Variants in SAFB2 observed in about 807,000 individuals in gnomAD.
SAFB2 encodes the protein scaffold attachment factor B2.
Under a neutral mutation model 100.6 loss-of-function variants are expected in SAFB2, and 32 were observed. The ratio of observed to expected loss-of-function variants is 0.32; its 90% CI spans 0.24 to 0.43. SAFB2 has a LOEUF of 0.43. Ranked by LOEUF, SAFB2 falls within the 20% of genes least tolerant of loss-of-function variation. SAFB2 has a pLI of 1.00. For missense variants in SAFB2, 1,185 were observed against 1,163.4 expected (o/e 1.02, Z -0.27); for synonymous variants, 500 against 439.4 (o/e 1.14, Z -1.72).
At chr19:5,602,655 C>T (rs2052687838) in intron 11 of SAFB2, among the ~76,000 whole-genome samples, 2 of 152,124 alleles carry the variant, frequency 1.3e-5, no homozygotes, top group South Asian at 4.1e-4. Flanking sequence ...AAGTGCCTCA[C>T]AGGGCTACTA....
At chr19:5,595,554 T>C in intron 13 of SAFB2, 57 bp from the exon 14 acceptor site, 3 of 1,594,648 alleles carry the variant, frequency 1.9e-6, no homozygotes, top group Non-Finnish European at 2.6e-6. Context: ...AAACAAACAA[T>C]GGAGATTATG....
At position 5,587,291 on chromosome 19, in the gene SAFB2, G is replaced by A. The variant is rs1044508520; in HGVS notation, c.2814C>T (p.His938=). 1 of 1,612,996 alleles carries A rather than the reference G, an allele frequency of 6.2e-7. No individual in the cohort carries two copies. ...GGTACGGGGGGGGATGAGGGTGTGGGTGAGGGACTCTGCTGCCCCGGTCCT... is the reference window on the plus strand; with the variant it reads ...GGTACGGGGGGGGATGAGGGTGTGGATGAGGGACTCTGCTGCCCCGGTCCT... The part of the protein sequence containing the change: ...ASQDRGSRVP[H]PHPHPPPYPH... The change falls in exon 21 of 21, where the codon CAC becomes CAT. Residue 938 remains histidine (H), a synonymous_variant. Coordinates refer to ENST00000252542, the MANE Select transcript of SAFB2 (RefSeq NM_014649.3). This position sits in a 1 kb window ranked among gnomAD's most constrained non-coding sequence, Gnocchi z 4.9.
In SAFB2 at chr19:5,587,117, G is replaced by T; in HGVS notation, c.*126C>A. 9.3e-6 allele frequency: 11 copies of T among 1,178,794 alleles called. No individual in the cohort carries two copies. Among genetic ancestry groups the T allele is most frequent in the South Asian group, 1.5e-5 (1 of 65,928 alleles). 73.0% of individuals were successfully genotyped at this position (1,178,794 alleles called of 1,614,324 possible). On this transcript the variant is annotated 3_prime_UTR_variant, in exon 21 of 21. Transcript: ENST00000252542. The surrounding 1 kb of genome is among the most constrained non-coding windows in gnomAD (Gnocchi z 4.9). The stretch of plus-strand genomic sequence containing the variant: ...AAAAAAAAAAAAGTGAGTTCACATT[G>T]TATTGAGCTACAACATGGTGGCAGG...
chr19:5,610,142 G>A (rs935658969), intron 8 of SAFB2, 47 bp from the exon 9 acceptor site: 1 of 1,491,272 alleles, frequency 6.7e-7, no homozygotes, highest in Non-Finnish European at 9.3e-7. Flanking sequence ...GGCCTAACAG[G>A]AAGCACAACC....
At chr19:5,609,051 C>CAAAAAAAAAAAAAAAAAAAAAAAA (rs60419324) in intron 9 of SAFB2, among the ~76,000 whole-genome samples, 6 of 72,700 alleles carry the variant, frequency 8.3e-5, no homozygotes, top group South Asian at 5.7e-4. Flanking sequence ...GACGCAGTCT[C>CAAAAAAAAAAAAAAAAAAAAAAAA]AAAAAAAAAA....
rs774017187 is a variant in SAFB2 at position 5,587,881 on chromosome 19, G to C, written c.2625C>G (p.His875Gln). The change falls in exon 19 of 21, where the codon CAC becomes CAG. Residue 875 changes from histidine to glutamine, a missense_variant. Transcript: ENST00000252542. This position sits in a 1 kb window ranked among gnomAD's most constrained non-coding sequence, Gnocchi z 4.9. ...CCAGCCCCGTACCTTGCCACCTGGC[G>C]TGCTCCCGGCTAGCCGCGCCTGCGT... is the stretch of plus-strand genomic sequence containing the variant. ...AMDAGAASRE[H>Q]ARWQGGERGL... is the part of the protein sequence containing the mutation. 3.7e-6 allele frequency: 6 copies of C among 1,611,284 alleles called. No individual in the cohort carries two copies. Among genetic ancestry groups the C allele is most frequent in the Admixed American group, 1.7e-5 (1 of 59,796 alleles).
intron 18 of SAFB2, 150 bp downstream of exon 18, chr19:5,590,128 G>T: frequency 1.5e-6 from 1 of 663,534 alleles, no homozygotes; most frequent in Non-Finnish European, 2.4e-6. Flanking sequence ...TGGACTTTCT[G>T]AGTCAGGGGT....
At chr19:5,610,763 TA>T in intron 7 of SAFB2, 75 bp from the exon 8 acceptor site, 3 of 1,019,938 alleles carry the variant, frequency 2.9e-6, no homozygotes, top group Non-Finnish European at 4.4e-6. Flanking sequence ...GATTATGTGC[TA>T]AAACTGAATA....
At position 5,587,403 on chromosome 19, in the gene SAFB2, G is replaced by A; in HGVS notation, c.2706-4C>T. 1 of 1,608,544 alleles carries A rather than the reference G, an allele frequency of 6.2e-7. No homozygotes were observed. Among genetic ancestry groups the A allele is most frequent in the Non-Finnish European group, 8.5e-7 (1 of 1,177,492 alleles). ...ACCTTGTGCAAAGCCGCCTCGCCTA[G>A]GAACAAAGTCAGACAATTTTTTTCC... is the stretch of plus-strand genomic sequence containing the variant. On this transcript the variant is annotated splice_polypyrimidine_tract_variant and splice_region_variant and intron_variant, in intron 20 of 20. Coordinates refer to ENST00000252542, the MANE Select transcript of SAFB2 (RefSeq NM_014649.3). This position sits in a 1 kb window ranked among gnomAD's most constrained non-coding sequence, Gnocchi z 4.9.
intron 9 of SAFB2, among the ~76,000 whole-genome samples, chr19:5,607,352 A>T (rs888000923): frequency 6.6e-6 from 1 of 152,226 alleles, no homozygotes; most frequent in South Asian, 2.1e-4. Context: ...CCAATAAAAT[A>T]TTGGGTGACT....
Position 5,598,891 on chromosome 19 carries a change from G to A in SAFB2, c.1691-7C>T. 6.2e-7 allele frequency: 1 copy of A among 1,613,590 alleles called. No individual in the cohort carries two copies. The highest frequency in any genetic ancestry group is 1.1e-5 in the South Asian group (1 of 91,070). ...CGCTCCATTCCTCTGCTTCCTTCAG[G>A]AAAAAACACAACAAACTATCAAAAC... On this transcript the variant is annotated splice_polypyrimidine_tract_variant and splice_region_variant and intron_variant, in intron 12 of 20. Transcript: ENST00000252542.
intron 11 of SAFB2, among the ~76,000 whole-genome samples, chr19:5,603,675 G>A (rs867668422): frequency 3.9e-5 from 6 of 152,106 alleles, no homozygotes; most frequent in Admixed American, 2.0e-4. Flanking sequence ...GGGTGCCACC[G>A]TGAACTCACA....
intron 11 of SAFB2, among the ~76,000 whole-genome samples, chr19:5,601,321 C>T (rs2052651663): frequency 6.6e-6 from 1 of 152,172 alleles, no homozygotes; most frequent in East Asian, 1.9e-4. Flanking sequence ...CCGCAGTAAT[C>T]TACAGTGACA....
chr19:5,621,900 C>A (rs1327779614), intron 1 of SAFB2, among the ~76,000 whole-genome samples: 2 of 152,224 alleles, frequency 1.3e-5, no homozygotes, highest in African/African-American at 4.8e-5. Flanking sequence ...CGGAAACAGA[C>A]AATTCCCAAC....
In SAFB2 at chr19:5,587,484, C is replaced by G. The variant is rs1008938942; in HGVS notation, c.2706-85G>C. ...ATGGGTTCAGTAACGGTCCCGCAGC[C>G]TTTAGAGCGCTTGGGTTTTTTTTCC... On this transcript the variant is annotated intron_variant, in intron 20 of 20. Transcript: ENST00000252542. This position sits in a 1 kb window ranked among gnomAD's most constrained non-coding sequence, Gnocchi z 4.9. The G allele has an allele frequency of 1.3e-6, 2 of 1,503,024 alleles. No homozygotes were observed. The highest frequency in any genetic ancestry group is 1.8e-6 in the Non-Finnish European group (2 of 1,119,198). The allele number at this position is 1,503,024 out of a possible 1,614,324, so 93.1% of individuals were successfully genotyped here.
chr19:5,599,300 C>T (rs1251646169), intron 12 of SAFB2, among the ~76,000 whole-genome samples: 1 of 152,142 alleles, frequency 6.6e-6, no homozygotes, highest in Non-Finnish European at 1.5e-5. Context: ...TGAGGGAGTG[C>T]CTTGCCAGAC....
intron 5 of SAFB2, 62 bp downstream of exon 5, chr19:5,613,403 A>G (rs1056718190): frequency 1.5e-5 from 21 of 1,416,638 alleles, no homozygotes; most frequent in Non-Finnish European, 1.8e-5. Flanking sequence ...CTGCTCTTTC[A>G]TTATGGAAAA....
chr19:5,593,748 G>C, intron 15 of SAFB2, 143 bp downstream of exon 15: 1 of 865,260 alleles, frequency 1.2e-6, no homozygotes. Flanking sequence ...TGAGATCGGC[G>C]GGGGGTCCCC....
chr19:5,621,497 C>T, intron 1 of SAFB2, 101 bp from the exon 2 acceptor site: 1 of 825,416 alleles, frequency 1.2e-6, no homozygotes, highest in Non-Finnish European at 2.1e-6. Flanking sequence ...CAAACCCGTC[C>T]TTGCAAAGAG....
Sources: allele counts gnomAD v4.1 joint callset (sites outside exome capture counted in the v4.1 genomes callset), GRCh38; gene constraint gnomAD v4.1.1; non-coding constraint Gnocchi (gnomAD v3.1); transcripts MANE v1.5; gene names NCBI Gene and HGNC (gene_info 2026-07-23, HGNC 2026-07-21).